Variants in KCNMA1 observed in about 807,000 individuals in gnomAD.
The protein encoded by KCNMA1 is potassium calcium-activated channel subfamily M alpha 1.
KCNMA1 carries 29 observed loss-of-function variants against 140.0 expected under a neutral mutation model. The observed-to-expected ratio is 0.21, with a 90% CI of 0.15 to 0.28. The LOEUF is 0.28. Among genes scored for constraint, KCNMA1 ranks in the 10% least tolerant of loss-of-function variants. The pLI is 1.00. For synonymous variants in KCNMA1, 612 were observed against 611.9 expected, an observed-to-expected ratio of 1.00 and a Z score of 0.00; for missense variants, 880 against 1,602.2, an observed-to-expected ratio of 0.55 and a Z score of 7.70.
chr10:77,097,792 C>T (rs1377665967), intron 9 of KCNMA1, among the ~76,000 whole-genome samples: 1 of 152,214 alleles, frequency 6.6e-6, no homozygotes, highest in Non-Finnish European at 1.5e-5. Flanking sequence ...GAAGGAAATG[C>T]ATTCTCCCTC....
chr10:77,207,183 A>G (rs1239156605), intron 3 of KCNMA1, among the ~76,000 whole-genome samples: 2 of 152,128 alleles, frequency 1.3e-5, no homozygotes, highest in African/African-American at 4.8e-5. Context: ...GTCCCATGTT[A>G]ATCTAAAGCT....
chr10:77,060,168 A>G (rs1023533010), intron 14 of KCNMA1, among the ~76,000 whole-genome samples: 10 of 150,222 alleles, frequency 6.7e-5, no homozygotes, highest in African/African-American at 2.2e-4. Context: ...TACAATTCCA[A>G]TCAAAACACA....
At chr10:77,537,290 CTA>C (rs1434786116) in intron 1 of KCNMA1, among the ~76,000 whole-genome samples, 1 of 152,196 alleles carries the variant, frequency 6.6e-6, no homozygotes, top group African/African-American at 2.4e-5. Flanking sequence ...TTGGTCCATC[CTA>C]TGTCATGCAT....
rs141530744 is a variant in KCNMA1 at position 77,101,309 on chromosome 10, G to A, written c.1223+7172C>T. Among the ~76,000 whole-genome samples, 653 of 152,248 alleles carry A rather than the reference G, an allele frequency of 4.3e-3. 7 individuals are homozygous for A. The highest frequency in any genetic ancestry group is 0.015 in the African/African-American group (608 of 41,558). On this transcript the variant is annotated intron_variant, in intron 9 of 27. Coordinates refer to ENST00000286628, the MANE Select transcript of KCNMA1 (RefSeq NM_001161352.2). ...GTAGTCAAGAGGTCATTTTTCCAAA[G>A]TATTAGGGCAAGCTCATTTTTTGTT...
chr10:77,038,822 T>C (rs2094488901), intron 15 of KCNMA1, among the ~76,000 whole-genome samples: 1 of 152,176 alleles, frequency 6.6e-6, no homozygotes, highest in Non-Finnish European at 1.5e-5. Flanking sequence ...ATTGCAAACA[T>C]GAGGATTCTA....
At chr10:76,909,903 T>G in intron 25 of KCNMA1, 63 bp downstream of exon 25, 1 of 1,579,894 alleles carries the variant, frequency 6.3e-7, no homozygotes, top group Non-Finnish European at 8.6e-7. Flanking sequence ...CCTCAAAGGT[T>G]GGAGGTGCTC....
chr10:77,534,457 G>A, intron 1 of KCNMA1, among the ~76,000 whole-genome samples: 1 of 152,174 alleles, frequency 6.6e-6, no homozygotes, highest in East Asian at 1.9e-4. Flanking sequence ...ACCAACTGGT[G>A]TCCTAGGAAG....
intron 14 of KCNMA1, among the ~76,000 whole-genome samples, chr10:77,055,537 C>T (rs966289834): frequency 2.7e-5 from 4 of 148,234 alleles, no homozygotes; most frequent in Admixed American, 2.0e-4. Context: ...TTTCTCTCCT[C>T]CTGTGCCCCA....
chr10:77,260,071 A>G (rs1287378688), intron 2 of KCNMA1, among the ~76,000 whole-genome samples: 1 of 152,184 alleles, frequency 6.6e-6, no homozygotes, highest in East Asian at 1.9e-4. Flanking sequence ...ACCCGGAATA[A>G]AGGTGAGATG....
At chr10:76,908,972 G>A (rs755526132) in intron 25 of KCNMA1, among the ~76,000 whole-genome samples, 7 of 152,042 alleles carry the variant, frequency 4.6e-5, no homozygotes, top group Non-Finnish European at 7.4e-5. Flanking sequence ...TTTGTTTTTC[G>A]GTTGCAAAAG....
chr10:77,000,766 TGACA>T (rs2085970770), intron 19 of KCNMA1, among the ~76,000 whole-genome samples: 1 of 150,352 alleles, frequency 6.7e-6, no homozygotes, highest in South Asian at 2.1e-4. Flanking sequence ...CAGTGCAGGC[TGACA>T]GACATAGAAA....
intron 12 of KCNMA1, among the ~76,000 whole-genome samples, chr10:77,083,159 GGAAATCCCACT>G (rs2096618268): frequency 6.6e-6 from 1 of 152,154 alleles, no homozygotes; most frequent in Admixed American, 6.5e-5. Context: ...GCAGTGGGAC[GGAAATCCCACT>G]GAATTTAGCT....
At chr10:77,611,057 A>T (rs1446173702) in intron 1 of KCNMA1, among the ~76,000 whole-genome samples, 1 of 152,238 alleles carries the variant, frequency 6.6e-6, no homozygotes, top group East Asian at 1.9e-4. Flanking sequence ...GGTGATAATC[A>T]TGCCAATTTC....
chr10:77,084,336 A>G (rs1032498951), intron 12 of KCNMA1, among the ~76,000 whole-genome samples: 1 of 152,214 alleles, frequency 6.6e-6, no homozygotes, highest in Non-Finnish European at 1.5e-5. Flanking sequence ...AATTCAGGCC[A>G]GCACCCATCT....
intron 24 of KCNMA1, chr10:76,914,054 T>C: frequency 6.5e-7 from 1 of 1,547,276 alleles, no homozygotes; most frequent in South Asian, 1.2e-5. Context: ...CAGTGCTTCT[T>C]ACCCAGTTCA....
chr10:76,964,117 A>G (rs1041145679), intron 20 of KCNMA1, among the ~76,000 whole-genome samples: 3 of 151,542 alleles, frequency 2.0e-5, no homozygotes, highest in African/African-American at 7.3e-5. Flanking sequence ...TCTGATAATG[A>G]TCATCACCCC....
In KCNMA1 at chr10:77,459,029, T is replaced by C. The variant is rs80079342; in HGVS notation, c.379-55006A>G. On this transcript the variant is annotated intron_variant, in intron 1 of 27. Coordinates refer to ENST00000286628, the MANE Select transcript of KCNMA1 (RefSeq NM_001161352.2). The stretch of plus-strand genomic sequence containing the variant: ...TGAGGGGTAGAATCTGGGGTATTTA[T>C]ACTCCCATTAGGGTCTATCATTGGC... 2.3e-3 allele frequency among the ~76,000 whole-genome samples: 355 copies of C among 152,318 alleles called. 2 individuals are homozygous for C. Among genetic ancestry groups the C allele is most frequent in the Non-Finnish European group, 4.1e-3 (277 of 68,030 alleles).
chr10:77,395,692 C>T (rs2096022937), intron 2 of KCNMA1, among the ~76,000 whole-genome samples: 1 of 152,186 alleles, frequency 6.6e-6, no homozygotes, highest in African/African-American at 2.4e-5. Flanking sequence ...GGGAACAATT[C>T]GTGGGTCTAG....
At chr10:77,423,926 C>T (rs145874008) in intron 1 of KCNMA1, among the ~76,000 whole-genome samples, 1 of 152,284 alleles carries the variant, frequency 6.6e-6, no homozygotes, top group East Asian at 1.9e-4. Flanking sequence ...TCCAGTCCAT[C>T]CATGAACAAT....
Sources: allele counts gnomAD v4.1 joint callset (sites outside exome capture counted in the v4.1 genomes callset), GRCh38; gene constraint gnomAD v4.1.1; transcripts MANE v1.5; gene names NCBI Gene and HGNC (gene_info 2026-07-23, HGNC 2026-07-21).